SEMA5A: variants seen among roughly 807,000 people sequenced by gnomAD.
SEMA5A encodes the protein semaphorin-5A.
SEMA5A carries 55 observed loss-of-function variants against 135.5 expected under a neutral mutation model. That is an observed-to-expected ratio of 0.41 (90% CI 0.33 to 0.51). The LOEUF (loss-of-function observed/expected upper bound fraction) is 0.51, where lower values mean the gene tolerates loss of function less well. SEMA5A is among the 20% of genes least tolerant of loss of function. SEMA5A has a pLI of 0.37. For missense variants in SEMA5A, 1,290 were observed against 1,419.9 expected (o/e 0.91, Z 1.47); for synonymous variants, 580 against 546.5 (o/e 1.06, Z -0.85).
intron 11 of SEMA5A, among the ~76,000 whole-genome samples, chr5:9,184,759 A>T (rs538863075): frequency 6.6e-6 from 1 of 151,458 alleles, no homozygotes; most frequent in East Asian, 1.9e-4. Flanking sequence ...CTTTATTTAC[A>T]TTTCTCTCCC....
At chr5:9,522,177 A>G (rs556986715) in intron 1 of SEMA5A, among the ~76,000 whole-genome samples, 8 of 152,350 alleles carry the variant, frequency 5.3e-5, no homozygotes, top group Non-Finnish European at 1.0e-4. Flanking sequence ...ACTTCCATGT[A>G]GAAAGGCAAG....
chr5:9,414,171 A>G (rs1236750269), intron 2 of SEMA5A, among the ~76,000 whole-genome samples: 2 of 152,236 alleles, frequency 1.3e-5, no homozygotes, highest in African/African-American at 2.4e-5. Context: ...AACAGACGTT[A>G]TTATAATCAT....
At chr5:9,272,526 C>T (rs1357680515) in intron 5 of SEMA5A, among the ~76,000 whole-genome samples, 2 of 152,144 alleles carry the variant, frequency 1.3e-5, no homozygotes, top group African/African-American at 4.8e-5. Context: ...GGACAGACTG[C>T]CTCCTTAAGT....
chr5:9,237,752 T>C lies in SEMA5A; in HGVS notation c.333+76A>G. ...ATGGCACCGTAATCAGGAATACTCT[T>C]CATATCAACATGCTTTATATAGTGT... On this transcript the variant is annotated intron_variant, in intron 6 of 22. Transcript: ENST00000382496. 3 of 1,319,416 alleles carry C rather than the reference T, an allele frequency of 2.3e-6. No individual in the cohort carries two copies. In the South Asian group the frequency reaches 3.8e-5, roughly 17 times the overall value. The allele number at this position is 1,319,416 out of a possible 1,614,324, so 81.7% of individuals were successfully genotyped here.
chr5:9,484,822 C>G (rs551640338), intron 1 of SEMA5A, among the ~76,000 whole-genome samples: 1 of 152,150 alleles, frequency 6.6e-6, no homozygotes, highest in East Asian at 1.9e-4. Flanking sequence ...CTTGCATCAA[C>G]ATCCCAAAAG....
At chr5:9,531,516 A>C (rs1015498139) in intron 1 of SEMA5A, among the ~76,000 whole-genome samples, 1 of 152,182 alleles carries the variant, frequency 6.6e-6, no homozygotes, top group African/African-American at 2.4e-5. Flanking sequence ...GCATGCAGAC[A>C]CACAGGACTC....
chr5:9,162,877 C>T (rs1743371608), intron 11 of SEMA5A, among the ~76,000 whole-genome samples: 1 of 151,980 alleles, frequency 6.6e-6, no homozygotes, highest in Non-Finnish European at 1.5e-5. Context: ...ACTACTGGGC[C>T]AGAGTTTAGG....
intron 5 of SEMA5A, among the ~76,000 whole-genome samples, chr5:9,290,231 G>A (rs1421332132): frequency 6.6e-6 from 1 of 152,012 alleles, no homozygotes; most frequent in Admixed American, 6.6e-5. Context: ...AGTCCTCAAA[G>A]TCCATTGTAT....
intron 1 of SEMA5A, among the ~76,000 whole-genome samples, chr5:9,494,704 T>C (rs918684283): frequency 1.3e-5 from 2 of 152,038 alleles, no homozygotes; most frequent in African/African-American, 2.4e-5. Flanking sequence ...AAATCATTGT[T>C]GCCATCTTTT....
At chr5:9,325,238 CTT>C (rs10710962) in intron 4 of SEMA5A, among the ~76,000 whole-genome samples, 4,711 of 145,292 alleles carry the variant, frequency 0.032, 242 homozygotes, top group African/African-American at 0.11. Context: ...TATGGATCTA[CTT>C]TTTTTTTTTT....
intron 11 of SEMA5A, among the ~76,000 whole-genome samples, chr5:9,189,623 C>T (rs3026340): frequency 0.13 from 19,956 of 152,052 alleles, 2,293 homozygotes; most frequent in East Asian, 0.29. Context: ...GAAGGACAAG[C>T]CCACAGAGCT....
At chr5:9,135,179 C>CTTTTT (rs11297927) in intron 13 of SEMA5A, among the ~76,000 whole-genome samples, 3 of 123,534 alleles carry the variant, frequency 2.4e-5, no homozygotes. Flanking sequence ...TTCCGACTTT[C>CTTTTT]TTTTTTTTTT....
At chr5:9,131,586 C>T (rs149840334) in intron 13 of SEMA5A, among the ~76,000 whole-genome samples, 14 of 125,092 alleles carry the variant, frequency 1.1e-4, no homozygotes, top group Admixed American at 2.0e-4. Context: ...CCAGCCTGGG[C>T]GACAGAGCGA....
chr5:9,101,431 T>C lies in SEMA5A; in HGVS notation c.2073+6709A>G, dbSNP rs562694275. On this transcript the variant is annotated intron_variant, in intron 16 of 22. Transcript: ENST00000382496. ...ACTTCATTGGATTATTGGGAGGAAT[T>C]CCTCACTCATTCCCTAAGAAGCACT... is the stretch of plus-strand genomic sequence containing the variant. Among the ~76,000 whole-genome samples the C allele has an allele frequency of 5.3e-5, 8 of 152,344 alleles. No homozygotes were observed. In the South Asian group the frequency reaches 1.7e-3, roughly 32 times the overall value.
chr5:9,344,601 ACC>A (rs1378885411), intron 3 of SEMA5A, among the ~76,000 whole-genome samples: 2 of 152,146 alleles, frequency 1.3e-5, no homozygotes, highest in African/African-American at 4.8e-5. Flanking sequence ...ACCAGGGCAC[ACC>A]CCAGGCAGCA....
At chr5:9,358,136 T>C (rs779714530) in intron 3 of SEMA5A, among the ~76,000 whole-genome samples, 3 of 152,164 alleles carry the variant, frequency 2.0e-5, no homozygotes, top group Non-Finnish European at 4.4e-5. Context: ...GGACCCTCCA[T>C]ACCTCTCATT....
At chr5:9,128,054 G>A (rs1278719575) in intron 13 of SEMA5A, among the ~76,000 whole-genome samples, 1 of 152,150 alleles carries the variant, frequency 6.6e-6, no homozygotes, top group African/African-American at 2.4e-5. Flanking sequence ...GCTAAGGTAG[G>A]GACACCAGCC....
intron 1 of SEMA5A, among the ~76,000 whole-genome samples, chr5:9,489,537 G>A (rs575256843): frequency 6.6e-6 from 1 of 152,150 alleles, no homozygotes; most frequent in African/African-American, 2.4e-5. Context: ...TGGGTTACAC[G>A]GCCAATATGT....
intron 8 of SEMA5A, among the ~76,000 whole-genome samples, chr5:9,223,148 T>C (rs1041107985): frequency 2.6e-5 from 4 of 152,218 alleles, no homozygotes; most frequent in African/African-American, 9.6e-5. Context: ...ACAGAAATGA[T>C]GTTAATGGGA....
Sources: allele counts gnomAD v4.1 joint callset (sites outside exome capture counted in the v4.1 genomes callset), GRCh38; gene constraint gnomAD v4.1.1; transcripts MANE v1.5; gene names NCBI Gene and HGNC (gene_info 2026-07-23, HGNC 2026-07-21).